The following GPM6A variants were observed in gnomAD, a reference collection of about 807,000 sequenced individuals.
The protein encoded by GPM6A is neuronal membrane glycoprotein M6-a.
In GPM6A, 7 loss-of-function variants were observed where a neutral mutation model predicts 32.1. The ratio of observed to expected loss-of-function variants is 0.22; its 90% CI spans 0.12 to 0.41. The LOEUF (loss-of-function observed/expected upper bound fraction) is 0.41, where lower values mean the gene tolerates loss of function less well. Among genes scored for constraint, GPM6A ranks in the 10% least tolerant of loss-of-function variants. The pLI, the probability that GPM6A is intolerant of heterozygous loss-of-function variation, is 1.00. For synonymous variants in GPM6A, 130 were observed against 123.4 expected (o/e 1.05, Z -0.35); for missense variants, 235 against 347.2 (o/e 0.68, Z 2.57).
chr4:175,917,728 G>A (rs764458064), intron 1 of GPM6A, among the ~76,000 whole-genome samples: 8 of 151,596 alleles, frequency 5.3e-5, no homozygotes, highest in African/African-American at 1.7e-4. Flanking sequence ...GGAATGAGTC[G>A]GTGCAAAAAA....
chr4:175,695,800 G>C (rs890247442), intron 2 of GPM6A, among the ~76,000 whole-genome samples: 4 of 152,082 alleles, frequency 2.6e-5, no homozygotes, highest in African/African-American at 9.7e-5. Context: ...TTTGGGAGAG[G>C]CCTAGGGCAG....
chr4:175,779,350 C>A (rs1318090214), intron 1 of GPM6A, among the ~76,000 whole-genome samples: 1 of 152,164 alleles, frequency 6.6e-6, no homozygotes, highest in African/African-American at 2.4e-5. Flanking sequence ...ATAATGTATA[C>A]TAGACATCCT....
intron 4 of GPM6A, among the ~76,000 whole-genome samples, chr4:175,650,298 ATTTATTTATTTATTTATTT>A (rs1238642990): frequency 8.7e-5 from 7 of 80,250 alleles, no homozygotes; most frequent in South Asian, 4.8e-4. Flanking sequence ...TTATTTATTT[ATTTATTTATTTATTTATTT>A]ATTTTGAGAT....
At chr4:175,765,001 A>G (rs1289647770) in intron 1 of GPM6A, among the ~76,000 whole-genome samples, 2 of 151,636 alleles carry the variant, frequency 1.3e-5, no homozygotes, top group Admixed American at 6.6e-5. Context: ...AGCCTCCCGA[A>G]TAGCTGGGAT....
At chr4:175,967,318 C>A (rs1740362037) in intron 1 of GPM6A, among the ~76,000 whole-genome samples, 1 of 152,138 alleles carries the variant, frequency 6.6e-6, no homozygotes. Flanking sequence ...TAAGAAAAAT[C>A]TACACTTAAT....
chr4:175,755,922 G>A (rs1732506250), intron 1 of GPM6A, among the ~76,000 whole-genome samples: 1 of 152,132 alleles, frequency 6.6e-6, no homozygotes, highest in South Asian at 2.1e-4. Flanking sequence ...AAGACCTGCA[G>A]ACTATGAGGA....
At chr4:175,684,279 C>T (rs1743851299) in intron 2 of GPM6A, among the ~76,000 whole-genome samples, 1 of 152,014 alleles carries the variant, frequency 6.6e-6, no homozygotes, top group South Asian at 2.1e-4. Context: ...TTTTACTATG[C>T]AACTTTAAAA....
rs1479888016 is a variant in GPM6A at position 175,766,595 on chromosome 4, G to A, written c.37+45596C>T. On this transcript the variant is annotated intron_variant, in intron 1 of 6. Transcript: ENST00000393658. The stretch of plus-strand genomic sequence containing the variant: ...CTAATATACCTATCATTGATGCAGT[G>A]CTCTCTGCAGAGCACATTGTCTAAT... Among the ~76,000 whole-genome samples, 3 of 151,366 alleles carry A rather than the reference G, an allele frequency of 2.0e-5. 1 individual carries two copies. The highest frequency in any genetic ancestry group is 7.3e-5 in the African/African-American group (3 of 41,138).
At chr4:175,682,289 G>A (rs1250051814) in intron 2 of GPM6A, among the ~76,000 whole-genome samples, 1 of 152,156 alleles carries the variant, frequency 6.6e-6, no homozygotes, top group Non-Finnish European at 1.5e-5. Context: ...ATGCTCAGAT[G>A]TGGGAAGAAA....
chr4:175,909,711 T>G (rs1738252341), intron 1 of GPM6A, among the ~76,000 whole-genome samples: 1 of 152,094 alleles, frequency 6.6e-6, no homozygotes, highest in Admixed American at 6.6e-5. Context: ...TGGAAAAGAT[T>G]CAAGAAAAAG....
At chr4:175,909,801 A>G (rs1738256188) in intron 1 of GPM6A, among the ~76,000 whole-genome samples, 1 of 152,210 alleles carries the variant, frequency 6.6e-6, no homozygotes, top group Non-Finnish European at 1.5e-5. Flanking sequence ...CTTTGAACAA[A>G]ACAGGTTAAA....
chr4:175,931,709 C>CACACACACACACAT (rs1324269132), intron 1 of GPM6A, among the ~76,000 whole-genome samples: 25 of 129,330 alleles, frequency 1.9e-4, no homozygotes, highest in African/African-American at 7.2e-4. Flanking sequence ...CACACACACA[C>CACACACACACACAT]ATATATATAT....
chr4:175,778,086 A>T (rs1733463569), intron 1 of GPM6A, among the ~76,000 whole-genome samples: 1 of 151,940 alleles, frequency 6.6e-6, no homozygotes, highest in Admixed American at 6.6e-5. Context: ...CCCAACTCCG[A>T]CTCTCTACAA....
At chr4:175,949,246 G>T (rs1166522853) in intron 1 of GPM6A, among the ~76,000 whole-genome samples, 1 of 152,120 alleles carries the variant, frequency 6.6e-6, no homozygotes, top group South Asian at 2.1e-4. Context: ...ATGAAAATAT[G>T]TATATCCTTT....
chr4:175,928,208 T>C (rs965865856), intron 1 of GPM6A, among the ~76,000 whole-genome samples: 4 of 152,186 alleles, frequency 2.6e-5, no homozygotes, highest in African/African-American at 9.7e-5. Context: ...AAAAGACTTA[T>C]TGCAAAAATG....
chr4:175,908,178 T>C (rs976540088), intron 1 of GPM6A, among the ~76,000 whole-genome samples: 3 of 152,208 alleles, frequency 2.0e-5, no homozygotes, highest in African/African-American at 7.2e-5. Flanking sequence ...AGTCTCCATT[T>C]GTCTAGTGAT....
At chr4:175,846,332 G>A (rs752458192) in intron 1 of GPM6A, among the ~76,000 whole-genome samples, 9 of 152,222 alleles carry the variant, frequency 5.9e-5, no homozygotes, top group Non-Finnish European at 1.3e-4. Flanking sequence ...GGCTCAACAT[G>A]AAATCCTATT....
At chr4:175,905,644 C>G (rs987126312) in intron 1 of GPM6A, among the ~76,000 whole-genome samples, 1 of 152,064 alleles carries the variant, frequency 6.6e-6, no homozygotes, top group African/African-American at 2.4e-5. Context: ...TACTGTTTCT[C>G]AGTTGCCTTC....
intron 1 of GPM6A, among the ~76,000 whole-genome samples, chr4:175,904,696 G>C (rs1738075671): frequency 6.6e-6 from 1 of 151,994 alleles, no homozygotes; most frequent in Non-Finnish European, 1.5e-5. Context: ...TGACCACAAA[G>C]CTCCTACAAT....
Sources: gnomAD v4.1 joint callset for allele counts (sites outside exome capture counted in the v4.1 genomes callset) on GRCh38, gnomAD v4.1.1 for gene constraint, MANE v1.5 for transcripts, NCBI Gene and HGNC (gene_info 2026-07-23, HGNC 2026-07-21) for gene names.